Variants in TRIM22 observed in about 807,000 individuals in gnomAD.
The protein encoded by TRIM22 is E3 ubiquitin-protein ligase TRIM22.
A neutral mutation model predicts 53.6 loss-of-function variants in TRIM22; 45 were observed. The observed-to-expected ratio is 0.84, with a 90% CI of 0.66 to 1.08. TRIM22 has a LOEUF of 1.08. TRIM22 is among the 50% of genes least tolerant of loss of function. The pLI, the probability that TRIM22 is intolerant of heterozygous loss-of-function variation, is 0.00. For synonymous variants in TRIM22, 225 were observed against 216.6 expected, an observed-to-expected ratio of 1.04 and a Z score of -0.34; for missense variants, 616 against 590.9, an observed-to-expected ratio of 1.04 and a Z score of -0.44.
At chr11:5,695,926 T>G (rs948456456) in intron 1 of TRIM22, among the ~76,000 whole-genome samples, 1 of 152,184 alleles carries the variant, frequency 6.6e-6, no homozygotes, top group African/African-American at 2.4e-5. Context: ...TCCTCTCCAG[T>G]AGAAGAGAAA....
In TRIM22 at chr11:5,698,307, T is replaced by A. The variant is rs1434089395; in HGVS notation, c.520-8T>A. The A allele has an allele frequency of 1.2e-6, 2 of 1,612,584 alleles. No homozygotes were observed. Among genetic ancestry groups the A allele is most frequent in the Non-Finnish European group, 1.7e-6 (2 of 1,178,646 alleles). The stretch of plus-strand genomic sequence containing the variant: ...GACTGACTGCCTCTTTCTCTTTTCA[T>A]TCCCAAGAATTATATCCAGATCGAG... On this transcript the variant is annotated splice_polypyrimidine_tract_variant and splice_region_variant and intron_variant, in intron 3 of 7. Coordinates refer to ENST00000379965, the MANE Select transcript of TRIM22 (RefSeq NM_006074.5).
At chr11:5,695,108 G>A (rs886238706) in intron 1 of TRIM22, among the ~76,000 whole-genome samples, 2 of 152,292 alleles carry the variant, frequency 1.3e-5, no homozygotes, top group Non-Finnish European at 2.9e-5. Flanking sequence ...CCAGGTCTAT[G>A]AATGGATTAC....
At chr11:5,704,011 A>G (rs1853417915) in intron 4 of TRIM22, among the ~76,000 whole-genome samples, 1 of 152,222 alleles carries the variant, frequency 6.6e-6, no homozygotes, top group South Asian at 2.1e-4. Flanking sequence ...TAGTGAGGCT[A>G]CAGAGTAATG....
At chr11:5,691,013 GA>G in intron 1 of TRIM22, 1 of 152,384 alleles carries the variant, frequency 6.6e-6, no homozygotes. Context: ...TTAGTCCGAG[GA>G]GAGAGGCCGC....
In TRIM22 at chr11:5,699,321, G is replaced by A. The variant is rs567338319; in HGVS notation, c.750+776G>A. Among the ~76,000 whole-genome samples, 6 of 128,370 alleles carry A rather than the reference G, an allele frequency of 4.7e-5. 2 individuals carry two copies. The highest frequency in any genetic ancestry group is 2.3e-4 in the South Asian group (1 of 4,274). 84.2% of individuals were successfully genotyped at this position (128,370 alleles called of 152,430 possible). ...GGGTGGATCATGAGGTCAGGAGATC[G>A]AGACCATCCTGGCTAACAAGGTGAA... On this transcript the variant is annotated intron_variant, in intron 4 of 7. Transcript: ENST00000379965.
At chr11:5,708,359 A>G in intron 6 of TRIM22, 86 bp downstream of exon 6, 1 of 1,272,650 alleles carries the variant, frequency 7.9e-7, no homozygotes, top group Admixed American at 1.9e-5. Context: ...TTAGGTTAGG[A>G]TATAGGAGAG....
At chr11:5,696,873 T>C (rs1853272384) in intron 2 of TRIM22, 2 of 552,010 alleles carry the variant, frequency 3.6e-6, no homozygotes, top group South Asian at 5.5e-5. Flanking sequence ...AAGGAAAAGT[T>C]GAATGAATGG....
Position 5,697,229 on chromosome 11 carries a change from T to C in TRIM22, c.424-19T>C. Reference sequence around the variant, plus strand: ...GAGAAAGCTCATAACTTTACTCTGGTATAATTTATTTCTTACAGGAAAAGC... The same window carrying C: ...GAGAAAGCTCATAACTTTACTCTGGCATAATTTATTTCTTACAGGAAAAGC... On this transcript the variant is annotated intron_variant, in intron 2 of 7. Coordinates refer to ENST00000379965, the MANE Select transcript of TRIM22 (RefSeq NM_006074.5). 1.3e-6 allele frequency: 2 copies of C among 1,576,010 alleles called. No homozygotes were observed. The highest frequency in any genetic ancestry group is 1.7e-6 in the Non-Finnish European group (2 of 1,155,716).
At chr11:5,695,283 G>T (rs78112504) in intron 1 of TRIM22, among the ~76,000 whole-genome samples, 1 of 152,118 alleles carries the variant, frequency 6.6e-6, no homozygotes, top group African/African-American at 2.4e-5. Context: ...TGAATTAAAT[G>T]TAAGAGTGAG....
intron 5 of TRIM22, 101 bp downstream of exon 5, chr11:5,706,717 C>T: frequency 8.0e-7 from 1 of 1,245,470 alleles, no homozygotes. Flanking sequence ...AATCAAAAGG[C>T]TGGGAAATTT....
intron 4 of TRIM22, among the ~76,000 whole-genome samples, chr11:5,699,759 T>G (rs897993933): frequency 5.6e-4 from 84 of 149,680 alleles, no homozygotes; most frequent in Non-Finnish European, 3.9e-4. Flanking sequence ...GCCTTTCTAG[T>G]GGGAACATAA....
intron 4 of TRIM22, among the ~76,000 whole-genome samples, chr11:5,701,860 GTGC>G (rs965158711): frequency 2.0e-5 from 3 of 152,040 alleles, no homozygotes; most frequent in Non-Finnish European, 4.4e-5. Flanking sequence ...CATACAGTTT[GTGC>G]TGCTACGTTG....
intron 4 of TRIM22, among the ~76,000 whole-genome samples, chr11:5,699,176 C>G (rs1278854174): frequency 1.3e-5 from 2 of 152,190 alleles, no homozygotes; most frequent in East Asian, 3.9e-4. Context: ...TAAACATTCA[C>G]TTACATGTCC....
chr11:5,691,281 A>G (rs979669609), intron 1 of TRIM22: 1 of 152,142 alleles, frequency 6.6e-6, no homozygotes, highest in African/African-American at 2.4e-5. Context: ...AGGGCTCACA[A>G]CTCTAAGGGG....
Position 5,709,054 on chromosome 11 carries a change from G to A in TRIM22, c.903G>A (p.Val301=), listed in dbSNP as rs1169881972. 3 of 1,610,734 alleles carry A rather than the reference G, an allele frequency of 1.9e-6. No individual in the cohort carries two copies. The highest frequency in any genetic ancestry group is 2.5e-6 in the Non-Finnish European group (3 of 1,177,320). ...TTGACTTGGTAATTTTTTCTACAGTGGACGTGATGCTGAATCCAGGCAGTG... is the reference window on the plus strand; with the variant it reads ...TTGACTTGGTAATTTTTTCTACAGTAGACGTGATGCTGAATCCAGGCAGTG... ...KELTDVQYYW[V]DVMLNPGSAT... Residue 301 remains valine (V), a splice_region_variant and synonymous_variant, in exon 8 of 8, where the codon GTG becomes GTA. Coordinates refer to ENST00000379965, the MANE Select transcript of TRIM22 (RefSeq NM_006074.5).
chr11:5,704,638 T>C (rs1047619006), intron 4 of TRIM22, among the ~76,000 whole-genome samples: 2 of 152,228 alleles, frequency 1.3e-5, no homozygotes, highest in Non-Finnish European at 2.9e-5. Context: ...AGTTTCATTT[T>C]GGTAAAGATC....
rs748366646 is a variant in TRIM22 at position 5,698,563 on chromosome 11, G to A, written c.750+18G>A. Reference sequence around the variant, plus strand: ...TGCTGCAGGTAAGACTTGGGATGGAGCACCTACGTAAGAGATTAGGGGAAA... The same window carrying A: ...TGCTGCAGGTAAGACTTGGGATGGAACACCTACGTAAGAGATTAGGGGAAA... On this transcript the variant is annotated intron_variant, in intron 4 of 7. Transcript: ENST00000379965. 4 of 1,589,692 alleles carry A rather than the reference G, an allele frequency of 2.5e-6. No individual in the cohort carries two copies. Among genetic ancestry groups the A allele is most frequent in the Non-Finnish European group, 3.4e-6 (4 of 1,161,964 alleles).
At chr11:5,693,886 G>C (rs537404502) in intron 1 of TRIM22, among the ~76,000 whole-genome samples, 1 of 152,252 alleles carries the variant, frequency 6.6e-6, no homozygotes, top group Non-Finnish European at 1.5e-5. Flanking sequence ...AAAATGTGTT[G>C]ACAGGGCTGG....
In TRIM22 at chr11:5,708,224, G is replaced by T. The variant is rs775437262; in HGVS notation, c.825G>T (p.Lys275Asn). The change falls in exon 6 of 8, where the codon AAG becomes AAT. Residue 275 changes from lysine to asparagine, a missense_variant. Transcript: ENST00000379965. ...KKPKSVSKKL[K>N]SVFRVPDLSG... ...CAAAATCTGTTTCCAAGAAACTAAA[G>T]AGTGTATTCCGAGTACCAGATCTGA... 4 of 1,614,118 alleles carry T rather than the reference G, an allele frequency of 2.5e-6. No individual in the cohort carries two copies. The South Asian group carries it at 4.4e-5, about 18-fold the overall frequency.
Sources: allele counts gnomAD v4.1 joint callset (sites outside exome capture counted in the v4.1 genomes callset), GRCh38; gene constraint gnomAD v4.1.1; transcripts MANE v1.5; gene names NCBI Gene and HGNC (gene_info 2026-07-23, HGNC 2026-07-21).